Variants in TFB2M observed in about 807,000 individuals in gnomAD.
TFB2M encodes dimethyladenosine transferase 2, mitochondrial.
TFB2M carries 44 observed loss-of-function variants against 41.3 expected under a neutral mutation model. The observed-to-expected ratio is 1.07, with a 90% CI of 0.84 to 1.37. The LOEUF (loss-of-function observed/expected upper bound fraction) is 1.37. Among genes scored for constraint, TFB2M ranks in the 40% most tolerant of loss-of-function variants. The pLI, the probability that TFB2M is intolerant of heterozygous loss-of-function variation, is 0.00. For missense variants in TFB2M, 496 were observed against 490.2 expected, an observed-to-expected ratio of 1.01 and a Z score of -0.11; for synonymous variants, 188 against 176.8, an observed-to-expected ratio of 1.06 and a Z score of -0.50.
chr1:246,566,247 G>A lies in TFB2M; in HGVS notation c.-109C>T, dbSNP rs1165768423. ...TTTTCTGGCGTCCGGGCCAGGTCAA[G>A]CGGAAGTAAACACTAGAGCCTGCGC... On this transcript the variant is annotated 5_prime_UTR_variant, in exon 1 of 8. Transcript: ENST00000366514. 6 of 1,165,496 alleles carry A rather than the reference G, an allele frequency of 5.1e-6. No individual in the cohort carries two copies. In the East Asian group the frequency reaches 1.3e-4, roughly 25 times the overall value. The allele number at this position is 1,165,496 out of a possible 1,614,324, so 72.2% of individuals were successfully genotyped here. A position where few individuals can be genotyped will look rare whatever the true frequency, so the allele number is the denominator to read the frequency against.
intron 2 of TFB2M, among the ~76,000 whole-genome samples, chr1:246,560,947 A>G (rs1186225783): frequency 1.3e-5 from 2 of 152,132 alleles, no homozygotes; most frequent in Admixed American, 6.6e-5. Context: ...CCACGTCTCT[A>G]CTAAAAATAC....
rs531394824 is a variant in TFB2M, at chr1:246,550,107, C to T, written c.795+1106G>A. 2.0e-5 allele frequency among the ~76,000 whole-genome samples: 3 copies of T among 152,270 alleles called. No homozygotes were observed. In the East Asian group the frequency reaches 5.8e-4, roughly 29 times the overall value. On this transcript the variant is annotated intron_variant, in intron 5 of 7. Transcript: ENST00000366514. Reference sequence around the variant, plus strand: ...AACACGGGACCTTTGAAAGCAAATACTAAGGGAACAAGAAGACGAAAACAT... The same window carrying T: ...AACACGGGACCTTTGAAAGCAAATATTAAGGGAACAAGAAGACGAAAACAT...
intron 2 of TFB2M, among the ~76,000 whole-genome samples, chr1:246,562,107 G>C (rs1659471604): frequency 6.6e-6 from 1 of 152,012 alleles, no homozygotes; most frequent in Non-Finnish European, 1.5e-5. Flanking sequence ...ACAGTAAGTG[G>C]TAGAATAACA....
chr1:246,556,782 T>C (rs1659334778), intron 3 of TFB2M, 61 bp from the exon 4 acceptor site: 1 of 1,389,110 alleles, frequency 7.2e-7, no homozygotes, highest in Non-Finnish European at 9.6e-7. Context: ...CCTATGTCCA[T>C]ATTTTTTTGA....
At chr1:246,555,334 T>G (rs1199546919) in intron 4 of TFB2M, among the ~76,000 whole-genome samples, 1 of 152,150 alleles carries the variant, frequency 6.6e-6, no homozygotes, top group Non-Finnish European at 1.5e-5. Context: ...ATGCCTGTAG[T>G]CCCAACACTT....
At position 246,566,244 on chromosome 1, in the gene TFB2M, C is replaced by T; in HGVS notation, c.-106G>A. On this transcript the variant is annotated 5_prime_UTR_variant, in exon 1 of 8. Coordinates refer to ENST00000366514, the MANE Select transcript of TFB2M (RefSeq NM_022366.3). Reference sequence around the variant, plus strand: ...ACATTTTCTGGCGTCCGGGCCAGGTCAAGCGGAAGTAAACACTAGAGCCTG... The same window carrying T: ...ACATTTTCTGGCGTCCGGGCCAGGTTAAGCGGAAGTAAACACTAGAGCCTG... 8.5e-7 allele frequency: 1 copy of T among 1,179,844 alleles called. No homozygotes were observed. The highest frequency in any genetic ancestry group is 1.2e-6 in the Non-Finnish European group (1 of 843,104). The allele number at this position is 1,179,844 out of a possible 1,614,324, so 73.1% of individuals were successfully genotyped here.
chr1:246,548,746 G>T, intron 5 of TFB2M, 139 bp from the exon 6 acceptor site: 1 of 663,528 alleles, frequency 1.5e-6, no homozygotes, highest in Non-Finnish European at 2.5e-6. Flanking sequence ...ACATGTTATA[G>T]CTAAATAATA....
chr1:246,558,216 A>G (rs1659374158), intron 2 of TFB2M, among the ~76,000 whole-genome samples: 3 of 147,976 alleles, frequency 2.0e-5, no homozygotes, highest in African/African-American at 7.5e-5. Context: ...GCGCAATCCC[A>G]GCTGACTGCA....
chr1:246,554,818 A>G (rs1659278064), intron 4 of TFB2M, among the ~76,000 whole-genome samples: 1 of 152,192 alleles, frequency 6.6e-6, no homozygotes, highest in South Asian at 2.1e-4. Flanking sequence ...GTATGATACC[A>G]AAGGCACAGG....
chr1:246,559,902 A>G (rs1659413466), intron 2 of TFB2M, among the ~76,000 whole-genome samples: 1 of 152,212 alleles, frequency 6.6e-6, no homozygotes. Context: ...TAAGGAGGAA[A>G]ACCAGAAGAG....
intron 4 of TFB2M, among the ~76,000 whole-genome samples, chr1:246,554,970 T>C (rs749989109): frequency 6.6e-6 from 1 of 151,948 alleles, no homozygotes; most frequent in East Asian, 1.9e-4. Context: ...GAGATTAATA[T>C]CCAGAATATA....
At chr1:246,554,045 T>C (rs940813466) in intron 4 of TFB2M, among the ~76,000 whole-genome samples, 13 of 152,260 alleles carry the variant, frequency 8.5e-5, no homozygotes, top group African/African-American at 3.1e-4. Context: ...CGTACACATA[T>C]GGTCAAATCA....
At chr1:246,551,765 C>T (rs192880518) in intron 4 of TFB2M, among the ~76,000 whole-genome samples, 8 of 152,288 alleles carry the variant, frequency 5.3e-5, no homozygotes, top group East Asian at 3.9e-4. Context: ...GAAGGCACTC[C>T]GCAGACAAGA....
In TFB2M at chr1:246,557,496, A is replaced by G. The variant is rs3124071; in HGVS notation, c.441T>C (p.Ile147=). The change falls in exon 3 of 8, where the codon ATT becomes ATC. Residue 147 remains isoleucine, a synonymous_variant. Coordinates refer to ENST00000366514, the MANE Select transcript of TFB2M (RefSeq NM_022366.3). ...GKNLDGKLRV[I]HCDFFKLDPR... Reference sequence around the variant, plus strand: ...GATCTAGTTTAAAGAAGTCACAGTGAATCACTCGTAGTTTTCCATCCAGAT... The same window carrying G: ...GATCTAGTTTAAAGAAGTCACAGTGGATCACTCGTAGTTTTCCATCCAGAT... The G allele has an allele frequency of 7.4e-6, 12 of 1,611,538 alleles. No individual in the cohort carries two copies. In the African/African-American group the frequency reaches 1.3e-4, roughly 18 times the overall value.
Position 246,548,593 on chromosome 1 carries a change from T to A in TFB2M, c.810A>T (p.Ser270=), listed in dbSNP as rs1253417651. The A allele has an allele frequency of 6.2e-7, 1 of 1,613,216 alleles. No homozygotes were observed. Among genetic ancestry groups the A allele is most frequent in the Non-Finnish European group, 8.5e-7 (1 of 1,179,734 alleles). ...GCCCTTTCCGGGTGTATATATCAAA[T>A]GATGACCAAGGCTCCTGGGGAAGAA... The part of the protein sequence containing the change: ...IKVLHMEPWS[S]FDIYTRKGPL... Residue 270 remains serine (S), a synonymous_variant, in exon 6 of 8, where the codon TCA becomes TCT. Transcript: ENST00000366514.
chr1:246,561,691 A>C (rs1349826358), intron 2 of TFB2M, among the ~76,000 whole-genome samples: 5 of 151,496 alleles, frequency 3.3e-5, no homozygotes, highest in Non-Finnish European at 7.4e-5. Context: ...CTGGTCTTGA[A>C]CTCCTGACCT....
chr1:246,546,983 A>ATTTTT (rs74163461), intron 6 of TFB2M, among the ~76,000 whole-genome samples: 1 of 127,180 alleles, frequency 7.9e-6, no homozygotes, highest in African/African-American at 3.0e-5. Flanking sequence ...ACACACACAC[A>ATTTTT]TTTTTTTTTT....
chr1:246,545,841 G>C (rs969832782), intron 6 of TFB2M, among the ~76,000 whole-genome samples: 7 of 121,744 alleles, frequency 5.7e-5, no homozygotes, highest in African/African-American at 9.0e-5. Flanking sequence ...AAAAGACCTA[G>C]ATTCCCCCAG....
At chr1:246,565,736 C>T (rs1007212835) in intron 1 of TFB2M, 90 bp downstream of exon 1, 1 of 1,365,726 alleles carries the variant, frequency 7.3e-7, no homozygotes, top group Admixed American at 2.2e-5. Context: ...CAAAAAAGAC[C>T]CCCCAGTATC....
Sources: gnomAD v4.1 joint callset for allele counts (sites outside exome capture counted in the v4.1 genomes callset) on GRCh38, gnomAD v4.1.1 for gene constraint, MANE v1.5 for transcripts, NCBI Gene and HGNC (gene_info 2026-07-23, HGNC 2026-07-21) for gene names.